The following CSGALNACT1 variants were observed in gnomAD, a reference collection of about 807,000 sequenced individuals.
CSGALNACT1 encodes the protein beta4GalNAcT-1.
A neutral mutation model predicts 51.0 loss-of-function variants in CSGALNACT1; 52 were observed. The ratio of observed to expected loss-of-function variants is 1.02; its 90% CI spans 0.82 to 1.29. The LOEUF is 1.29. CSGALNACT1 is among the 50% of genes most tolerant of loss of function. CSGALNACT1 has a pLI of 0.00. For synonymous variants in CSGALNACT1, 341 were observed against 254.4 expected (o/e 1.34, Z -3.24); for missense variants, 935 against 679.2 (o/e 1.38, Z -4.19).
chr8:19,714,112 G>A (rs1026666326), intron 1 of CSGALNACT1, among the ~76,000 whole-genome samples: 1 of 152,080 alleles, frequency 6.6e-6, no homozygotes, highest in African/African-American at 2.4e-5. Flanking sequence ...CCTTTCAAAG[G>A]CTAATTTTCT....
intron 1 of CSGALNACT1, among the ~76,000 whole-genome samples, chr8:19,668,849 G>A (rs1348872417): frequency 6.6e-6 from 1 of 152,076 alleles, no homozygotes; most frequent in African/African-American, 2.4e-5. Flanking sequence ...CACTGTGCCC[G>A]GCCTGCCAAT....
At chr8:19,678,947 T>G (rs2060393859) in intron 1 of CSGALNACT1, 1 of 152,228 alleles carries the variant, frequency 6.6e-6, no homozygotes, top group Non-Finnish European at 1.5e-5. Flanking sequence ...TGCTGGGAGC[T>G]TGACTGTCTC....
At chr8:19,419,413 G>A (rs905020180) in intron 7 of CSGALNACT1, among the ~76,000 whole-genome samples, 9 of 152,202 alleles carry the variant, frequency 5.9e-5, no homozygotes, top group Admixed American at 2.6e-4. Context: ...CTTTGGGTCA[G>A]GGTGACTTTG....
intron 1 of CSGALNACT1, among the ~76,000 whole-genome samples, chr8:19,716,177 C>T (rs2062797036): frequency 6.6e-6 from 1 of 152,064 alleles, no homozygotes. Flanking sequence ...TGTAATCTTG[C>T]TCCCGTCCCA....
intron 1 of CSGALNACT1, among the ~76,000 whole-genome samples, chr8:19,661,248 G>A (rs1589337504): frequency 6.6e-6 from 1 of 152,050 alleles, no homozygotes; most frequent in East Asian, 1.9e-4. Flanking sequence ...GAGCCACAAG[G>A]CCTCTCCCAG....
chr8:19,567,461 A>G (rs1219508342), intron 3 of CSGALNACT1, among the ~76,000 whole-genome samples: 2 of 152,252 alleles, frequency 1.3e-5, no homozygotes, highest in African/African-American at 4.8e-5. Context: ...ATCATCCACC[A>G]GAAATAGAAG....
intron 1 of CSGALNACT1, among the ~76,000 whole-genome samples, chr8:19,750,018 C>A (rs2064929086): frequency 1.3e-5 from 2 of 152,186 alleles, no homozygotes; most frequent in African/African-American, 4.8e-5. Context: ...TCTGACCCAG[C>A]CTTGGACCCC....
intron 2 of CSGALNACT1, among the ~76,000 whole-genome samples, chr8:19,599,236 G>A (rs1161077345): frequency 4.6e-5 from 7 of 151,984 alleles, no homozygotes; most frequent in Non-Finnish European, 7.4e-5. Flanking sequence ...TCTTTGATAG[G>A]AGGAAAGCAA....
intron 4 of CSGALNACT1, among the ~76,000 whole-genome samples, chr8:19,485,028 G>A (rs571856509): frequency 5.2e-4 from 79 of 152,248 alleles, no homozygotes; most frequent in African/African-American, 1.7e-3. Flanking sequence ...CTGCCAGTGG[G>A]TGAGAAAATA....
intron 4 of CSGALNACT1, among the ~76,000 whole-genome samples, chr8:19,484,615 T>A (rs1358870866): frequency 1.3e-5 from 2 of 152,144 alleles, no homozygotes; most frequent in African/African-American, 4.8e-5. Flanking sequence ...CAGGACAGTG[T>A]AATCACGCAA....
chr8:19,675,510 G>C (rs1336252080), intron 1 of CSGALNACT1, among the ~76,000 whole-genome samples: 2 of 151,736 alleles, frequency 1.3e-5, no homozygotes, highest in Non-Finnish European at 2.9e-5. Flanking sequence ...CCTCCCCCCA[G>C]ACAGAGTCTC....
chr8:19,619,679 C>G (rs2053567480), intron 1 of CSGALNACT1, among the ~76,000 whole-genome samples: 1 of 152,130 alleles, frequency 6.6e-6, no homozygotes, highest in Admixed American at 6.5e-5. Context: ...TAACTTTCTT[C>G]TTGTTCAAAA....
chr8:19,515,489 G>A lies in CSGALNACT1; in HGVS notation c.-296-9359C>T, dbSNP rs145764508. On this transcript the variant is annotated intron_variant, in intron 3 of 9. Transcript: ENST00000454498. ...GGATCCTCCATCCCCTCAACTCCTC[G>A]TTGGTCTTTTAAAAGAATTCTCAAT... Among the ~76,000 whole-genome samples the A allele has an allele frequency of 3.7e-4, 56 of 152,214 alleles. 1 individual carries two copies. The highest frequency in any genetic ancestry group is 1.2e-3 in the African/African-American group (51 of 41,520).
At chr8:19,703,423 C>T (rs2061987641) in intron 1 of CSGALNACT1, among the ~76,000 whole-genome samples, 2 of 152,324 alleles carry the variant, frequency 1.3e-5, no homozygotes, top group Admixed American at 1.3e-4. Flanking sequence ...CCTGCCTCAG[C>T]CTCCTGAGTA....
intron 3 of CSGALNACT1, among the ~76,000 whole-genome samples, chr8:19,566,381 A>ATATC (rs1156786701): frequency 6.6e-6 from 1 of 152,186 alleles, no homozygotes; most frequent in Non-Finnish European, 1.5e-5. Context: ...CTTCATTTGA[A>ATATC]TATCTAGTCT....
At chr8:19,460,912 G>C (rs1275780157) in intron 4 of CSGALNACT1, among the ~76,000 whole-genome samples, 5 of 152,136 alleles carry the variant, frequency 3.3e-5, no homozygotes, top group Admixed American at 2.0e-4. Flanking sequence ...GCCACAGAGA[G>C]GAGTGTGGTC....
chr8:19,556,892 C>G (rs1013419112), intron 3 of CSGALNACT1, among the ~76,000 whole-genome samples: 12 of 150,306 alleles, frequency 8.0e-5, no homozygotes, highest in African/African-American at 2.5e-4. Flanking sequence ...TAAAGTAAAT[C>G]AGATACAAAG....
In CSGALNACT1 at chr8:19,430,038, C is replaced by T. The variant is rs371024604; in HGVS notation, c.954-9520G>A. Among the ~76,000 whole-genome samples the T allele has an allele frequency of 2.0e-5, 3 of 152,178 alleles. No homozygotes were observed. In the South Asian group the frequency reaches 6.2e-4, roughly 31 times the overall value. ...TATCATCTTTGGAGAAATGTACATC[C>T]AAGTCTTTTGTTCATTTTTAAATTG... On this transcript the variant is annotated intron_variant, in intron 6 of 9. Transcript: ENST00000454498.
intron 4 of CSGALNACT1, among the ~76,000 whole-genome samples, chr8:19,489,462 T>C (rs2073873628): frequency 6.6e-6 from 1 of 152,212 alleles, no homozygotes; most frequent in African/African-American, 2.4e-5. Flanking sequence ...TTTTCCTTCT[T>C]CCTTCTGAGG....
Sources: allele counts gnomAD v4.1 joint callset (sites outside exome capture counted in the v4.1 genomes callset), GRCh38; gene constraint gnomAD v4.1.1; transcripts MANE v1.5; gene names NCBI Gene and HGNC (gene_info 2026-07-23, HGNC 2026-07-21).